KMT2D: variants seen among roughly 807,000 people sequenced by gnomAD.
KMT2D encodes the protein histone-lysine N-methyltransferase 2D.
KMT2D carries 55 observed loss-of-function variants against 512.7 expected under a neutral mutation model. The observed-to-expected ratio is 0.11, with a 90% CI of 0.09 to 0.13. The LOEUF is 0.13. KMT2D is among the 10% of genes least tolerant of loss of function. The probability of loss-of-function intolerance (pLI) is 1.00; values close to 1 mark genes in which losing one functional copy is unlikely to be tolerated. For synonymous variants in KMT2D, 2,995 were observed against 2,904.0 expected (o/e 1.03, Z -1.01); for missense variants, 6,061 against 7,127.9 (o/e 0.85, Z 5.39).
At chr12:49,053,404 C>T (rs2120695700) in intron 7 of KMT2D, 72 bp downstream of exon 7, 1 of 1,607,944 alleles carries the variant, frequency 6.2e-7, no homozygotes, top group Non-Finnish European at 8.5e-7. Context: ...AACAGGCCTT[C>T]TCCGACTGCC....
rs2120549293 is a variant in KMT2D, at chr12:49,041,593, C to T, written c.6235-58G>A. On this transcript the variant is annotated intron_variant, in intron 31 of 54. Coordinates refer to ENST00000301067, the MANE Select transcript of KMT2D (RefSeq NM_003482.4). The surrounding 1 kb of genome is among the most constrained non-coding windows in gnomAD (Gnocchi z 5.4). ...GCTGCTGCAGGCAGGCCCCATGGCC[C>T]TCCACCCTCAAGAGAGGCCACCCAC... 1 of 1,612,778 alleles carries T rather than the reference C, an allele frequency of 6.2e-7. No homozygotes were observed. Among genetic ancestry groups the T allele is most frequent in the Non-Finnish European group, 8.5e-7 (1 of 1,179,262 alleles).
rs371028875 is a variant in KMT2D, at chr12:49,028,970, A to G, written c.14252-12T>C. The G allele has an allele frequency of 2.5e-6, 4 of 1,613,368 alleles. No individual in the cohort carries two copies. The highest frequency in any genetic ancestry group is 3.4e-6 in the Non-Finnish European group (4 of 1,179,598). ...GGTATCTGGGAAGACTGAATGAGAA[A>G]GAGGAATTTGTGTAACACTTGGCCG... On this transcript the variant is annotated splice_polypyrimidine_tract_variant and intron_variant, in intron 45 of 54. Transcript: ENST00000301067.
chr12:49,041,727 C>G lies in KMT2D; in HGVS notation c.6184-22G>C, dbSNP rs1943540929. Reference sequence around the variant, plus strand: ...TTTGCTGAGGGATATGGGACACAGCCTTAGGGCCTAGTGCTTGGTCTCATG... The same window carrying G: ...TTTGCTGAGGGATATGGGACACAGCGTTAGGGCCTAGTGCTTGGTCTCATG... On this transcript the variant is annotated intron_variant, in intron 30 of 54. Transcript: ENST00000301067. This position sits in a 1 kb window ranked among gnomAD's most constrained non-coding sequence, Gnocchi z 5.4. 2.3e-5 allele frequency: 37 copies of G among 1,604,330 alleles called. No homozygotes were observed. The highest frequency in any genetic ancestry group is 3.1e-5 in the Non-Finnish European group (36 of 1,175,006).
chr12:49,042,109 T>C lies in KMT2D; in HGVS notation c.6089A>G (p.Asn2030Ser), dbSNP rs2120552834. 6.2e-7 allele frequency: 1 copy of C among 1,613,636 alleles called. No homozygotes were observed. Among genetic ancestry groups the C allele is most frequent in the Non-Finnish European group, 8.5e-7 (1 of 1,179,738 alleles). ...PVLYANINFP[N>S]LKQDYPDWSS... ...GGTACCTGGGTAGTCTTGCTTGAGA[T>C]TAGGAAAATTAATGTTGGCATAGAG... Residue 2030 changes from asparagine to serine, a missense_variant, in exon 29 of 55, where the codon AAT becomes AGT. By Grantham distance (46) the Asn-to-Ser change is conservative. Around this residue, in one of 16 missense-constraint regions of KMT2D, gnomAD observed 640 missense variants for 814.3 expected, o/e 0.79. Coordinates refer to ENST00000301067, the MANE Select transcript of KMT2D (RefSeq NM_003482.4). The surrounding 1 kb of genome is among the most constrained non-coding windows in gnomAD (Gnocchi z 4.4).
rs1480154825 is a variant in KMT2D at position 49,050,456 on chromosome 12, A to C, written c.3132T>G (p.Pro1044=). The C allele has an allele frequency of 6.2e-7, 1 of 1,613,906 alleles. No homozygotes were observed. Among genetic ancestry groups the C allele is most frequent in the South Asian group, 1.1e-5 (1 of 91,072 alleles). Residue 1044 remains proline (P), a synonymous_variant, in exon 12 of 55, where the codon CCT becomes CCG. Transcript: ENST00000301067. The part of the protein sequence containing the change: ...PQNSPPSQCS[P]PALPLSVPSP... ...AGGGAACGGACAGTGGTAGGGCAGG[A>C]GGAGAGCACTGGGAAGGAGGGGAGT...
At position 49,032,345 on chromosome 12, in the gene KMT2D, G is replaced by A. The variant is rs895621285; in HGVS notation, c.12360C>T (p.Gly4120=). 6.2e-7 allele frequency: 1 copy of A among 1,613,666 alleles called. No homozygotes were observed. The highest frequency in any genetic ancestry group is 8.5e-7 in the Non-Finnish European group (1 of 1,179,710). ...ATGAGGCCTCAGAAGATGATCCACT[G>A]CCTAGCTGCCCATGGCTTCCTCCAC... The part of the protein sequence containing the change: ...TAGGGSHGQL[G]SGSSSEASSV... Residue 4120 remains glycine, a synonymous_variant, in exon 40 of 55, where the codon GGC becomes GGT. Coordinates refer to ENST00000301067, the MANE Select transcript of KMT2D (RefSeq NM_003482.4).
rs1356057302 is a variant in KMT2D at position 49,034,593 on chromosome 12, C to T, written c.10429G>A (p.Gly3477Arg). 4 of 1,613,514 alleles carry T rather than the reference C, an allele frequency of 2.5e-6. No individual in the cohort carries two copies. Among genetic ancestry groups the T allele is most frequent in the East Asian group, 4.5e-5 (2 of 44,896 alleles). Residue 3477 changes from glycine (G) to arginine (R), a missense_variant, in exon 37 of 55, where the codon GGG becomes AGG. By Grantham distance (125) the Gly-to-Arg change is moderately radical. Transcript: ENST00000301067. ...SSDLQNHVAA[G>R]SGQERSAGDP... ...ACCTGACCACTTACCTGGCCACTCC[C>T]AGCTGCCACATGGTTCTGCAGATCA... is the stretch of plus-strand genomic sequence containing the variant.
Position 49,042,197 on chromosome 12 carries a change from G to A in KMT2D, c.6001C>T (p.Arg2001Trp), listed in dbSNP as rs1405791853. The A allele has an allele frequency of 3.7e-6, 6 of 1,609,184 alleles. No individual in the cohort carries two copies. Among genetic ancestry groups the A allele is most frequent in the Non-Finnish European group, 4.2e-6 (5 of 1,177,904 alleles). ...GEGDGLSYNQ[R>W]SLQRWEKDEE... ...TCCTTCTCCCAGCGCTGAAGACTCC[G>A]CTGGTTATAGGAGAGTCCGTCGCCC... Residue 2001 changes from arginine to tryptophan, a missense_variant, in exon 29 of 55, where the codon CGG becomes TGG. Coordinates refer to ENST00000301067, the MANE Select transcript of KMT2D (RefSeq NM_003482.4). This position sits in a 1 kb window ranked among gnomAD's most constrained non-coding sequence, Gnocchi z 4.4.
chr12:49,032,530 C>T lies in KMT2D; in HGVS notation c.12175G>A (p.Ala4059Thr), dbSNP rs1942971838. 9 of 1,600,278 alleles carry T rather than the reference C, an allele frequency of 5.6e-6. No individual in the cohort carries two copies. The highest frequency in any genetic ancestry group is 7.7e-6 in the Non-Finnish European group (9 of 1,173,484). Residue 4059 changes from alanine (A) to threonine (T), a missense_variant, in exon 40 of 55, where the codon GCC becomes ACC. By Grantham distance (58) the Ala-to-Thr change is moderately conservative. Coordinates refer to ENST00000301067, the MANE Select transcript of KMT2D (RefSeq NM_003482.4). Reference sequence around the variant, plus strand: ...GGCTTTACCTCTCCTGGTTCAGTGGCCATTGACTCAGGGGTAGTTCCTATT... The same window carrying T: ...GGCTTTACCTCTCCTGGTTCAGTGGTCATTGACTCAGGGGTAGTTCCTATT... ...LAIGTTPESM[A>T]TEPGEVKPSL...
chr12:49,032,511 A>G lies in KMT2D; in HGVS notation c.12194T>C (p.Val4065Ala). Residue 4065 changes from valine (V) to alanine (A), a missense_variant, in exon 40 of 55, where the codon GTA becomes GCA. By Grantham distance (64) the Val-to-Ala change is moderately conservative (BLOSUM62 0). This residue lies in a region of KMT2D where 1,600 missense variants were observed against 1,754.9 expected (regional missense o/e 0.91). Transcript: ENST00000301067. Reference protein sequence around the residue: ...PESMATEPGEVKPSLSGDSQL... With the variant: ...PESMATEPGEAKPSLSGDSQL... ...TGAGTCCCCAGAGAGTGAGGGCTTT[A>G]CCTCTCCTGGTTCAGTGGCCATTGA... is the stretch of plus-strand genomic sequence containing the variant. 6.3e-7 allele frequency: 1 copy of G among 1,584,800 alleles called. No homozygotes were observed. Among genetic ancestry groups the G allele is most frequent in the Non-Finnish European group, 8.6e-7 (1 of 1,165,406 alleles).
At chr12:49,043,844 C>A (rs768031147) in intron 23 of KMT2D, 24 bp downstream of exon 23, 1 of 1,614,076 alleles carries the variant, frequency 6.2e-7, no homozygotes, top group Non-Finnish European at 8.5e-7. Context: ...ACACCTCCCT[C>A]ACTGCTTGGA....
rs752684827 is a variant in KMT2D at position 49,032,022 on chromosome 12, T to C, written c.12683A>G (p.Gln4228Arg). The change falls in exon 40 of 55, where the codon CAG (glutamine) becomes CGG (arginine). Residue 4228 changes from glutamine to arginine, a missense_variant. This residue lies in a region of KMT2D where 1,600 missense variants were observed against 1,754.9 expected (regional missense o/e 0.91). Coordinates refer to ENST00000301067, the MANE Select transcript of KMT2D (RefSeq NM_003482.4). ...TGCCTGACTCTGCTGCAGCTGCCGC[T>C]GCATGAGGAGTGCCTGTAGCTGCTG... ...QQQQLQALLMQRQLQQSQAVR... is the reference protein window; with the variant it reads ...QQQQLQALLMRRQLQQSQAVR... 2.5e-6 allele frequency: 4 copies of C among 1,610,636 alleles called. No individual in the cohort carries two copies. The highest frequency in any genetic ancestry group is 2.2e-5 in the South Asian group (2 of 90,906).
At chr12:49,048,624 C>CA in intron 14 of KMT2D, 35 bp downstream of exon 14, 1 of 1,378,704 alleles carries the variant, frequency 7.3e-7, no homozygotes, top group Non-Finnish European at 1.0e-6. Flanking sequence ...CACACATACA[C>CA]AATGTTCAGT....
chr12:49,054,625 C>G lies in KMT2D; in HGVS notation c.303G>C (p.Gly101=). 3 of 1,612,882 alleles carry G rather than the reference C, an allele frequency of 1.9e-6. No individual in the cohort carries two copies. Among genetic ancestry groups the G allele is most frequent in the Non-Finnish European group, 2.5e-6 (3 of 1,179,328 alleles). Residue 101 remains glycine (G), a synonymous_variant, in exon 4 of 55, where the codon GGG becomes GGC. Transcript: ENST00000301067. The surrounding 1 kb of genome is among the most constrained non-coding windows in gnomAD (Gnocchi z 6.4). The stretch of plus-strand genomic sequence containing the variant: ...GCACTGCCTCATTGGGCCCTGGGCT[C>G]CCCCCAGGGGACACCACTGGACACC... ...WPRCPVVSPG[G]SPGPNEAVLP...
Position 49,042,195 on chromosome 12 carries a change from C to A in KMT2D, c.6003G>T (p.Arg2001=). 1 of 1,609,812 alleles carries A rather than the reference C, an allele frequency of 6.2e-7. No individual in the cohort carries two copies. Among genetic ancestry groups the A allele is most frequent in the Non-Finnish European group, 8.5e-7 (1 of 1,178,190 alleles). ...GEGDGLSYNQ[R]SLQRWEKDEE... Reference sequence around the variant, plus strand: ...CATCCTTCTCCCAGCGCTGAAGACTCCGCTGGTTATAGGAGAGTCCGTCGC... The same window carrying A: ...CATCCTTCTCCCAGCGCTGAAGACTACGCTGGTTATAGGAGAGTCCGTCGC... Residue 2001 remains arginine, a synonymous_variant, in exon 29 of 55, where the codon CGG becomes CGT. Coordinates refer to ENST00000301067, the MANE Select transcript of KMT2D (RefSeq NM_003482.4). This position sits in a 1 kb window ranked among gnomAD's most constrained non-coding sequence, Gnocchi z 4.4.
rs2120539661 is a variant in KMT2D, at chr12:49,041,002, A to C, written c.6768T>G (p.Ala2256=). Residue 2256 remains alanine (A), a synonymous_variant, in exon 32 of 55, where the codon GCT becomes GCG. Coordinates refer to ENST00000301067, the MANE Select transcript of KMT2D (RefSeq NM_003482.4). The surrounding 1 kb of genome is among the most constrained non-coding windows in gnomAD (Gnocchi z 5.4). The part of the protein sequence containing the change: ...KPRCPSLDNL[A]VPESPGVGGG... ...CCCCTACCCCAGGGCTCTCAGGCAC[A>C]GCCAAGTTATCCAGCGAGGGGCAGC... 6.3e-7 allele frequency: 1 copy of C among 1,595,716 alleles called. No homozygotes were observed. Among genetic ancestry groups the C allele is most frequent in the Non-Finnish European group, 8.5e-7 (1 of 1,169,898 alleles).
Position 49,034,010 on chromosome 12 carries a change from C to A in KMT2D, c.10741-46G>T, listed in dbSNP as rs752003559. 5 of 1,566,918 alleles carry A rather than the reference C, an allele frequency of 3.2e-6. No homozygotes were observed. In the African/African-American group the frequency reaches 5.4e-5, roughly 17 times the overall value. ...AGGTCAGGCTGGGGCATGCTCCCCC[C>A]ATGCCAACCCTCTTCCCTGCCTTCT... On this transcript the variant is annotated intron_variant, in intron 39 of 54. Transcript: ENST00000301067.
Position 49,050,778 on chromosome 12 carries a change from G to A in KMT2D, c.2810C>T (p.Pro937Leu), listed in dbSNP as rs1465953705. ...AGCTGTGATGATGGGTGAGAGTGGAGGAGGAAGGGGATCTGGAAGGAAAGA... is the reference window on the plus strand; with the variant it reads ...AGCTGTGATGATGGGTGAGAGTGGAAGAGGAAGGGGATCTGGAAGGAAAGA... ...PQLMPPDPLPPPLSPIITAAA... is the reference protein window; with the variant it reads ...PQLMPPDPLPLPLSPIITAAA... Residue 937 changes from proline (P) to leucine (L), a missense_variant, in exon 12 of 55, where the codon CCT (proline) becomes CTT (leucine). Pro to Leu is a moderately conservative substitution (Grantham distance 98). This residue lies in a region of KMT2D where 848 missense variants were observed against 838.5 expected (regional missense o/e 1.01). Transcript: ENST00000301067. The A allele has an allele frequency of 6.2e-7, 1 of 1,603,256 alleles. No individual in the cohort carries two copies. The highest frequency in any genetic ancestry group is 8.5e-7 in the Non-Finnish European group (1 of 1,172,768).
In KMT2D at chr12:49,037,531, C is replaced by T. The variant is rs1288144818; in HGVS notation, c.9825G>A (p.Gln3275=). Residue 3275 remains glutamine (Q), a synonymous_variant, in exon 35 of 55, where the codon CAG becomes CAA. Coordinates refer to ENST00000301067, the MANE Select transcript of KMT2D (RefSeq NM_003482.4). Reference sequence around the variant, plus strand: ...AATGCTGCTGCTGCTGTTGCTGCTGCTGCTGGGCAGGCTGCAACTGTGCTG... The same window carrying T: ...AATGCTGCTGCTGCTGTTGCTGCTGTTGCTGGGCAGGCTGCAACTGTGCTG... ...QLSAQLQPAQ[Q]QQQQQQQHSL... 6 of 1,555,106 alleles carry T rather than the reference C, an allele frequency of 3.9e-6. No homozygotes were observed. Among genetic ancestry groups the T allele is most frequent in the African/African-American group, 1.4e-5 (1 of 73,322 alleles).
Sources: allele counts gnomAD v4.1 joint callset, GRCh38; gene constraint gnomAD v4.1.1; regional missense constraint gnomAD v4.1.1; non-coding constraint Gnocchi (gnomAD v3.1); transcripts MANE v1.5; gene names NCBI Gene and HGNC (gene_info 2026-07-23, HGNC 2026-07-21).